MTFMT: variants seen among roughly 807,000 people sequenced by gnomAD.
MTFMT encodes the protein mitochondrial methionyl-tRNA formyltransferase.
A neutral mutation model predicts 51.8 loss-of-function variants in MTFMT; 47 were observed. The observed-to-expected ratio is 0.91, with a 90% CI of 0.72 to 1.16. The LOEUF is 1.16. Among genes scored for constraint, MTFMT ranks in the 50% most tolerant of loss-of-function variants. The pLI is 0.00. For missense variants in MTFMT, 512 were observed against 482.3 expected (o/e 1.06, Z -0.58); for synonymous variants, 196 against 176.7 (o/e 1.11, Z -0.87).
At chr15:65,024,688 A>G (rs2086406928) in intron 2 of MTFMT, among the ~76,000 whole-genome samples, 1 of 152,068 alleles carries the variant, frequency 6.6e-6, no homozygotes, top group Non-Finnish European at 1.5e-5. Flanking sequence ...GCAGTGAACC[A>G]GACAGAAAAA....
Position 65,027,043 on chromosome 15 carries a change from A to T in MTFMT, c.210-3T>A. ...TTAACTCTTCTTCTTTGTTTTCCCT[A>T]AATTAGATAGGAAGAAAAATGTGAC... is the stretch of plus-strand genomic sequence containing the variant. On this transcript the variant is annotated splice_polypyrimidine_tract_variant and splice_region_variant and intron_variant, in intron 1 of 8. Coordinates refer to ENST00000220058, the MANE Select transcript of MTFMT (RefSeq NM_139242.4). 6.2e-7 allele frequency: 1 copy of T among 1,610,108 alleles called. No individual in the cohort carries two copies. The highest frequency in any genetic ancestry group is 8.5e-7 in the Non-Finnish European group (1 of 1,177,498).
chr15:65,021,228 A>G (rs1312832594), intron 4 of MTFMT, among the ~76,000 whole-genome samples: 1 of 152,218 alleles, frequency 6.6e-6, no homozygotes, highest in East Asian at 1.9e-4. Flanking sequence ...CAGAGTGCGG[A>G]GAGTGAAATT....
intron 6 of MTFMT, among the ~76,000 whole-genome samples, chr15:65,008,121 T>C (rs369153512): frequency 8.5e-5 from 13 of 152,304 alleles, no homozygotes; most frequent in Non-Finnish European, 1.8e-4. Flanking sequence ...TTTTTTATTA[T>C]GGTAAAAAAC....
At chr15:65,027,446 G>T (rs577364480) in intron 1 of MTFMT, among the ~76,000 whole-genome samples, 4 of 152,006 alleles carry the variant, frequency 2.6e-5, no homozygotes, top group African/African-American at 9.7e-5. Context: ...TGATCCGTCC[G>T]CCTCCACCTC....
At chr15:65,026,131 A>C (rs919794066) in intron 2 of MTFMT, 1 of 153,922 alleles carries the variant, frequency 6.5e-6, no homozygotes, top group Non-Finnish European at 1.5e-5. Context: ...AAAACTTAAC[A>C]ATCTTTGATA....
Position 65,002,916 on chromosome 15 carries a change from T to TCAC in MTFMT, c.*145_*146insGTG. The TCAC allele has an allele frequency of 2.1e-6, 1 of 484,186 alleles. No individual in the cohort carries two copies. The highest frequency in any genetic ancestry group is 3.9e-5 in the South Asian group (1 of 25,758). The allele number at this position is 484,186 out of a possible 1,614,324, so 30.0% of individuals were successfully genotyped here. A position where few individuals can be genotyped will look rare whatever the true frequency, so the allele number is the denominator to read the frequency against. ...AGGCGGAGGTTGCAGTGAGCTGAGA[T>TCAC]AGTGCCACTGGATTCCAGCCTGGGT... is the stretch of plus-strand genomic sequence containing the variant. On this transcript the variant is annotated 3_prime_UTR_variant, in exon 9 of 9. Transcript: ENST00000220058.
intron 3 of MTFMT, 91 bp downstream of exon 3, chr15:65,023,581 G>T: frequency 8.0e-7 from 1 of 1,257,770 alleles, no homozygotes; most frequent in East Asian, 2.4e-5. Context: ...AGAAATTAGT[G>T]AGCACCACCC....
At chr15:65,024,278 T>A (rs2086402077) in intron 2 of MTFMT, among the ~76,000 whole-genome samples, 1 of 152,118 alleles carries the variant, frequency 6.6e-6, no homozygotes, top group Admixed American at 6.5e-5. Context: ...TGAACCGAGA[T>A]CACGCCATTG....
At chr15:65,019,549 GAT>G (rs2086353412) in intron 5 of MTFMT, among the ~76,000 whole-genome samples, 1 of 152,002 alleles carries the variant, frequency 6.6e-6, no homozygotes, top group Non-Finnish European at 1.5e-5. Flanking sequence ...AAATATAAGA[GAT>G]AGGGAACAAG....
At chr15:65,021,274 G>C (rs2086372178) in intron 4 of MTFMT, among the ~76,000 whole-genome samples, 1 of 152,202 alleles carries the variant, frequency 6.6e-6, no homozygotes, top group Admixed American at 6.5e-5. Context: ...ATGGCATGTA[G>C]TAGGTCATGT....
intron 6 of MTFMT, among the ~76,000 whole-genome samples, chr15:65,011,557 G>A (rs2086267318): frequency 7.8e-6 from 1 of 128,838 alleles, no homozygotes; most frequent in Non-Finnish European, 1.5e-5. Flanking sequence ...ACACAGTAGT[G>A]CAATCACAGC....
chr15:65,020,393 AT>A, intron 4 of MTFMT, 121 bp from the exon 5 acceptor site: 1 of 854,728 alleles, frequency 1.2e-6, no homozygotes, highest in Non-Finnish European at 1.8e-6. Flanking sequence ...CTTTTTTCAA[AT>A]TAAAAAAAAA....
chr15:65,015,717 G>A (rs1233351379), intron 6 of MTFMT: 3 of 152,572 alleles, frequency 2.0e-5, no homozygotes, highest in African/African-American at 7.2e-5. Flanking sequence ...GTGTGCCTGT[G>A]GTTGCAGCTA....
intron 1 of MTFMT, 51 bp from the exon 2 acceptor site, chr15:65,027,091 GC>G: frequency 7.4e-7 from 1 of 1,350,310 alleles, no homozygotes; most frequent in Non-Finnish European, 1.0e-6. Context: ...ATGACTCAAA[GC>G]TAAAACTACT....
Position 65,023,397 on chromosome 15 carries a change from T to G in MTFMT, c.542+275A>C, listed in dbSNP as rs35328312. On this transcript the variant is annotated intron_variant, in intron 3 of 8. Transcript: ENST00000220058. ...AAAAATCCATCTCTCATTTATACAA[T>G]GTATTTTATAGAAATCCGAGTATTA... Among the ~76,000 whole-genome samples, 52,723 of 152,086 alleles carry G rather than the reference T, an allele frequency of 0.35. 10,578 individuals are homozygous for G. The highest frequency in any genetic ancestry group is 0.5 in the South Asian group (2,427 of 4,818).
Position 65,029,391 on chromosome 15 carries a change from C to T in MTFMT, c.209+14G>A, listed in dbSNP as rs1030683469. 10 of 1,472,304 alleles carry T rather than the reference C, an allele frequency of 6.8e-6. No homozygotes were observed. The African/African-American group carries it at 1.2e-4, about 17-fold the overall frequency. 91.2% of individuals were successfully genotyped at this position (1,472,304 alleles called of 1,614,324 possible). On this transcript the variant is annotated intron_variant, in intron 1 of 8. Coordinates refer to ENST00000220058, the MANE Select transcript of MTFMT (RefSeq NM_139242.4). ...CCTTCAGCGGCCGGGTCCCCGGATC[C>T]CTGGCCCGGGTACCTGGCGGCGTGC...
Position 65,013,948 on chromosome 15 carries a change from AAAAAAAC to A in MTFMT, c.813+2481_813+2487del, listed in dbSNP as rs201704961. ...ACAGGGCGAGACACCATCTCAAAAA[AAAAAAAC>A]AAAAAACAAAAAACAAAACCCAAAA... On this transcript the variant is annotated intron_variant, in intron 6 of 8. Coordinates refer to ENST00000220058, the MANE Select transcript of MTFMT (RefSeq NM_139242.4). 1.3e-4 allele frequency among the ~76,000 whole-genome samples: 20 copies of A among 152,128 alleles called. No individual in the cohort carries two copies. In the South Asian group the frequency reaches 2.3e-3, roughly 17 times the overall value.
At chr15:65,025,230 T>TATAAA (rs2086411398) in intron 2 of MTFMT, among the ~76,000 whole-genome samples, 1 of 92,508 alleles carries the variant, frequency 1.1e-5, no homozygotes, top group Admixed American at 1.2e-4. Context: ...TCCCTGTCTC[T>TATAAA]AAAAAAAAAA....
intron 6 of MTFMT, chr15:65,015,966 A>G (rs1287024422): frequency 2.0e-5 from 3 of 152,398 alleles, no homozygotes; most frequent in African/African-American, 7.2e-5. Flanking sequence ...TTTAACTCAG[A>G]CATTTTAACA....
Sources: gnomAD v4.1 joint callset for allele counts (sites outside exome capture counted in the v4.1 genomes callset) on GRCh38, gnomAD v4.1.1 for gene constraint, MANE v1.5 for transcripts, NCBI Gene and HGNC (gene_info 2026-07-23, HGNC 2026-07-21) for gene names.